CMKLR1: variants seen among roughly 807,000 people sequenced by gnomAD.
CMKLR1 encodes the protein chemerin-like receptor 1.
Under a neutral mutation model 8.2 loss-of-function variants are expected in CMKLR1, and 6 were observed. The ratio of observed to expected loss-of-function variants is 0.73; its 90% CI spans 0.40 to 1.44. The LOEUF is 1.44. CMKLR1 is among the 40% of genes most tolerant of loss of function. The probability of loss-of-function intolerance (pLI) is 0.02; values close to 1 mark genes in which losing one functional copy is unlikely to be tolerated. For missense variants in CMKLR1, 429 were observed against 478.0 expected (o/e 0.90, Z 0.96); for synonymous variants, 178 against 181.2 (o/e 0.98, Z 0.14).
At position 108,292,175 on chromosome 12, in the gene CMKLR1, A is replaced by G; in HGVS notation, c.788T>C (p.Val263Ala). 1 of 1,614,226 alleles carries G rather than the reference A, an allele frequency of 6.2e-7. No homozygotes were observed. The highest frequency in any genetic ancestry group is 8.5e-7 in the Non-Finnish European group (1 of 1,180,040). Residue 263 changes from valine (V) to alanine (A), a missense_variant, in exon 4 of 4, where the codon GTG becomes GCG. Val to Ala is a moderately conservative substitution (Grantham distance 64). Coordinates refer to ENST00000550402, the MANE Select transcript of CMKLR1 (RefSeq NM_001142343.2). Reference sequence around the variant, plus strand: ...GAGGAAGAAGGTAATGATGATGGTCACAATAATCTTGAAGGGCTTCTTGGT... The same window carrying G: ...GAGGAAGAAGGTAATGATGATGGTCGCAATAATCTTGAAGGGCTTCTTGGT... ...AKTKKPFKII[V>A]TIIITFFLCW...
intron 2 of CMKLR1, among the ~76,000 whole-genome samples, chr12:108,295,625 G>A (rs1307813612): frequency 6.6e-6 from 1 of 152,240 alleles, no homozygotes; most frequent in Non-Finnish European, 1.5e-5. Context: ...AATGGCATCT[G>A]AGTTGAGTTT....
rs116186070 is a variant in CMKLR1, at chr12:108,301,727, G to T, written c.-73-8063C>A. On this transcript the variant is annotated intron_variant, in intron 2 of 3. Transcript: ENST00000550402. ...CCCCCATTTTACAGACGAGGAGACT[G>T]AGGCTTTGGAAACATACAGAGCTTA... 2.1e-3 allele frequency among the ~76,000 whole-genome samples: 319 copies of T among 152,346 alleles called. 2 individuals carry two copies. The highest frequency in any genetic ancestry group is 7.1e-3 in the African/African-American group (295 of 41,580).
Position 108,292,106 on chromosome 12 carries a change from T to C in CMKLR1, c.857A>G (p.His286Arg). 6.2e-7 allele frequency: 1 copy of C among 1,614,034 alleles called. No individual in the cohort carries two copies. Residue 286 changes from histidine to arginine, a missense_variant, in exon 4 of 4, where the codon CAC (histidine) becomes CGC (arginine). His to Arg is a conservative substitution (Grantham distance 29, BLOSUM62 0). Transcript: ENST00000550402. ...YHTLNLLELHHTAMPGSVFSL... is the reference protein window; with the variant it reads ...YHTLNLLELHRTAMPGSVFSL... ...GAAGACAGAGCCAGGCATGGCAGTGTGGTGGAGCTCTAGGAGGTTGAGTGT... is the reference window on the plus strand; with the variant it reads ...GAAGACAGAGCCAGGCATGGCAGTGCGGTGGAGCTCTAGGAGGTTGAGTGT...
Position 108,292,724 on chromosome 12 carries a change from T to C in CMKLR1, c.239A>G (p.Asn80Ser). The C allele has an allele frequency of 3.1e-6, 5 of 1,614,116 alleles. No individual in the cohort carries two copies. Among genetic ancestry groups the C allele is most frequent in the Non-Finnish European group, 4.2e-6 (5 of 1,180,016 alleles). The change falls in exon 4 of 4, where the codon AAC becomes AGC. Residue 80 changes from asparagine (N) to serine (S), a missense_variant. By Grantham distance (46) the Asn-to-Ser change is conservative. Coordinates refer to ENST00000550402, the MANE Select transcript of CMKLR1 (RefSeq NM_001142343.2). ...GAACAGGAAATCTGCCACTGCCAGG[T>C]TGAGGAACCAGACCATGTTCACTGT... ...KKTVNMVWFLNLAVADFLFNV... is the reference protein window; with the variant it reads ...KKTVNMVWFLSLAVADFLFNV...
intron 3 of CMKLR1, 66 bp from the exon 4 acceptor site, chr12:108,293,025 A>G (rs1368505457): frequency 7.0e-7 from 1 of 1,428,222 alleles, no homozygotes; most frequent in Non-Finnish European, 9.5e-7. Context: ...GACCAATACC[A>G]GCAAGACCAA....
At chr12:108,303,420 A>G (rs935780804) in intron 2 of CMKLR1, among the ~76,000 whole-genome samples, 2 of 152,246 alleles carry the variant, frequency 1.3e-5, no homozygotes, top group South Asian at 2.1e-4. Context: ...TTATTAAACA[A>G]ATACACGTAC....
At chr12:108,310,260 T>C (rs1347378339) in intron 2 of CMKLR1, among the ~76,000 whole-genome samples, 2 of 151,440 alleles carry the variant, frequency 1.3e-5, no homozygotes, top group Non-Finnish European at 2.9e-5. Context: ...GATTGTGAGA[T>C]CCCTGCAAGC....
rs1275253019 is a variant in CMKLR1 at position 108,291,810 on chromosome 12, G to A, written c.*31C>T. On this transcript the variant is annotated 3_prime_UTR_variant, in exon 4 of 4. Transcript: ENST00000550402. ...ATATCCTTGGGTGTCCCTGGGTTGA[G>A]AGAGTCCATTGAGGGGTTCCACAGT... The A allele has an allele frequency of 1.9e-6, 3 of 1,585,306 alleles. No individual in the cohort carries two copies. Among genetic ancestry groups the A allele is most frequent in the Non-Finnish European group, 2.6e-6 (3 of 1,166,674 alleles).
intron 2 of CMKLR1, among the ~76,000 whole-genome samples, chr12:108,329,251 A>T (rs1466472234): frequency 6.6e-6 from 1 of 152,176 alleles, no homozygotes; most frequent in Non-Finnish European, 1.5e-5. Flanking sequence ...TGGGGCCTTC[A>T]AGGCCCTGAG....
At chr12:108,321,787 T>C (rs1051429789) in intron 2 of CMKLR1, among the ~76,000 whole-genome samples, 4 of 152,206 alleles carry the variant, frequency 2.6e-5, no homozygotes, top group Admixed American at 6.5e-5. Flanking sequence ...GCCAAGGCTC[T>C]CTCTCTGCTC....
At chr12:108,311,099 T>A (rs902850239) in intron 2 of CMKLR1, among the ~76,000 whole-genome samples, 1 of 152,174 alleles carries the variant, frequency 6.6e-6, no homozygotes, top group African/African-American at 2.4e-5. Context: ...AATTCCACCA[T>A]CAGGGTCCTG....
intron 1 of CMKLR1, among the ~76,000 whole-genome samples, chr12:108,330,516 G>A (rs1020364933): frequency 1.3e-5 from 2 of 152,236 alleles, no homozygotes; most frequent in Admixed American, 6.5e-5. Flanking sequence ...CACATGGTGA[G>A]GGGTGTGGAC....
Position 108,292,570 on chromosome 12 carries a change from G to A in CMKLR1, c.393C>T (p.Thr131=), listed in dbSNP as rs2137291864. 1.9e-6 allele frequency: 3 copies of A among 1,614,148 alleles called. No homozygotes were observed. The highest frequency in any genetic ancestry group is 2.5e-6 in the Non-Finnish European group (3 of 1,180,028). ...AGATGCAGCGGTCAGAGCTGATGAT[G>A]GTCAGCAGGAAGACGCTGGTGAACA... ...HNMFTSVFLL[T]IISSDRCISV... Residue 131 remains threonine, a synonymous_variant, in exon 4 of 4, where the codon ACC becomes ACT. Coordinates refer to ENST00000550402, the MANE Select transcript of CMKLR1 (RefSeq NM_001142343.2).
At chr12:108,333,777 T>TAGCA (rs1892161279) in intron 1 of CMKLR1, among the ~76,000 whole-genome samples, 1 of 152,232 alleles carries the variant, frequency 6.6e-6, no homozygotes, top group Non-Finnish European at 1.5e-5. Flanking sequence ...CTTTCTCTGA[T>TAGCA]AGCACCACGT....
chr12:108,318,693 G>A (rs1891788819), intron 2 of CMKLR1, among the ~76,000 whole-genome samples: 1 of 152,148 alleles, frequency 6.6e-6, no homozygotes, highest in South Asian at 2.1e-4. Context: ...GCAGAAAACA[G>A]AGCAGCCACC....
intron 2 of CMKLR1, among the ~76,000 whole-genome samples, chr12:108,310,416 C>T (rs1330108827): frequency 6.6e-6 from 1 of 152,136 alleles, no homozygotes; most frequent in African/African-American, 2.4e-5. Flanking sequence ...AGGAGAATAG[C>T]AAGAGGCCTG....
intron 2 of CMKLR1, among the ~76,000 whole-genome samples, chr12:108,309,369 A>G (rs1891492373): frequency 6.6e-6 from 1 of 152,144 alleles, no homozygotes; most frequent in African/African-American, 2.4e-5. Context: ...AGACCTGAAT[A>G]CACAGAGAGG....
chr12:108,328,966 G>T (rs1476120181), intron 2 of CMKLR1, among the ~76,000 whole-genome samples: 2 of 152,186 alleles, frequency 1.3e-5, no homozygotes, highest in Non-Finnish European at 2.9e-5. Context: ...CCTGGGAGTG[G>T]TGGGAGGGGG....
chr12:108,300,881 C>T (rs1891248877), intron 2 of CMKLR1, among the ~76,000 whole-genome samples: 2 of 152,138 alleles, frequency 1.3e-5, no homozygotes, highest in South Asian at 4.1e-4. Flanking sequence ...TATCCCATCT[C>T]GCCCAATCCT....
Sources: gnomAD v4.1 joint callset for allele counts (sites outside exome capture counted in the v4.1 genomes callset) on GRCh38, gnomAD v4.1.1 for gene constraint, MANE v1.5 for transcripts, NCBI Gene and HGNC (gene_info 2026-07-23, HGNC 2026-07-21) for gene names.